MAJIN: variants seen among roughly 807,000 people sequenced by gnomAD.
The protein encoded by MAJIN is membrane-anchored junction protein.
In MAJIN, 27 loss-of-function variants were observed where a neutral mutation model predicts 30.2. That is an observed-to-expected ratio of 0.89 (90% CI 0.66 to 1.23). MAJIN has a LOEUF of 1.23. Ranked by LOEUF, MAJIN falls within the 50% of genes most tolerant of loss-of-function variation. MAJIN has a pLI of 0.00. For synonymous variants in MAJIN, 78 were observed against 91.6 expected (o/e 0.85, Z 0.85); for missense variants, 253 against 260.3 (o/e 0.97, Z 0.19).
At position 64,954,890 on chromosome 11, in the gene MAJIN, A is replaced by C. The variant is rs1375397543; in HGVS notation, c.102-88T>G. The C allele has an allele frequency of 3.5e-6, 4 of 1,140,694 alleles. No homozygotes were observed. The African/African-American group carries it at 6.2e-5, about 18-fold the overall frequency. 70.7% of individuals were successfully genotyped at this position (1,140,694 alleles called of 1,614,324 possible). On this transcript the variant is annotated intron_variant, in intron 3 of 10. Coordinates refer to ENST00000301896, the MANE Select transcript of MAJIN (RefSeq NM_001037225.3). ...CTACTAGGGCAAAAATAACACTTCCACTGAGCTAAAGAAACATGACATAAG... is the reference window on the plus strand; with the variant it reads ...CTACTAGGGCAAAAATAACACTTCCCCTGAGCTAAAGAAACATGACATAAG...
intron 3 of MAJIN, among the ~76,000 whole-genome samples, chr11:64,956,423 A>C (rs1486882462): frequency 1.3e-5 from 2 of 152,136 alleles, no homozygotes; most frequent in Non-Finnish European, 2.9e-5. Flanking sequence ...CGGGAGGTGG[A>C]GGTTGCAGTG....
chr11:64,940,905 C>G (rs1318219781), intron 8 of MAJIN, among the ~76,000 whole-genome samples: 1 of 137,518 alleles, frequency 7.3e-6, no homozygotes, highest in Non-Finnish European at 1.5e-5. Context: ...GTGGCGCCAT[C>G]TCAGCTCACT....
At chr11:64,939,587 C>T in intron 10 of MAJIN, 75 bp downstream of exon 10, 9 of 1,316,310 alleles carry the variant, frequency 6.8e-6, no homozygotes, top group Non-Finnish European at 8.6e-6. Context: ...CTTTTCTATT[C>T]TAATTTCCCT....
At chr11:64,943,273 A>T (rs1246834222) in intron 8 of MAJIN, among the ~76,000 whole-genome samples, 2 of 152,086 alleles carry the variant, frequency 1.3e-5, no homozygotes, top group Non-Finnish European at 2.9e-5. Context: ...GCTCCCTCCC[A>T]TTTTTTATCC....
chr11:64,947,858 CTTTTTTTT>C (rs35160886), intron 6 of MAJIN, 39 bp from the exon 7 acceptor site: 3 of 1,216,268 alleles, frequency 2.5e-6, no homozygotes, highest in South Asian at 1.4e-5. Context: ...AGATTTAAGA[CTTTTTTTT>C]TTTTTTTTTT....
At chr11:64,950,737 A>T (rs548688406) in intron 4 of MAJIN, among the ~76,000 whole-genome samples, 12 of 151,946 alleles carry the variant, frequency 7.9e-5, no homozygotes, top group African/African-American at 2.9e-4. Context: ...GTGCACCACC[A>T]CACCCATCTA....
intron 4 of MAJIN, among the ~76,000 whole-genome samples, chr11:64,953,547 C>T (rs1945586755): frequency 6.6e-6 from 1 of 152,182 alleles, no homozygotes. Context: ...AATCCCAACA[C>T]TTTGGGAGGC....
chr11:64,965,588 T>C (rs963148043), intron 1 of MAJIN, among the ~76,000 whole-genome samples: 7 of 152,146 alleles, frequency 4.6e-5, no homozygotes, highest in Non-Finnish European at 1.0e-4. Flanking sequence ...ATTCTGGAAA[T>C]GCAATAGCGT....
intron 1 of MAJIN, among the ~76,000 whole-genome samples, chr11:64,961,680 G>A (rs578009205): frequency 6.8e-6 from 1 of 147,496 alleles, no homozygotes; most frequent in East Asian, 2.0e-4. Flanking sequence ...GTTTCACCGT[G>A]TTAGCCAGGA....
At chr11:64,970,093 G>C (rs1221045556) in intron 1 of MAJIN, among the ~76,000 whole-genome samples, 1 of 152,094 alleles carries the variant, frequency 6.6e-6, no homozygotes, top group East Asian at 2.0e-4. Context: ...GCCAGGCGCA[G>C]TGACACTTGC....
At chr11:64,954,455 C>T (rs1945600899) in intron 4 of MAJIN, 2 of 469,326 alleles carry the variant, frequency 4.3e-6, no homozygotes, top group South Asian at 2.1e-5. Context: ...GGAGGCAGTC[C>T]TCCGGAATCT....
intron 3 of MAJIN, among the ~76,000 whole-genome samples, chr11:64,956,228 G>C (rs1468930154): frequency 6.6e-6 from 1 of 152,270 alleles, no homozygotes; most frequent in East Asian, 1.9e-4. Flanking sequence ...TGAACCGGGA[G>C]GCAGAGGTTT....
intron 2 of MAJIN, 96 bp from the exon 3 acceptor site, chr11:64,959,518 T>A: frequency 1.1e-6 from 1 of 914,362 alleles, no homozygotes; most frequent in Non-Finnish European, 1.7e-6. Context: ...TCTTCATGAG[T>A]AAAATGTCCA....
chr11:64,966,477 G>C (rs539646868), intron 1 of MAJIN, among the ~76,000 whole-genome samples: 1 of 152,254 alleles, frequency 6.6e-6, no homozygotes, highest in East Asian at 1.9e-4. Context: ...GGAGGTTGCA[G>C]TGAGCCAAGA....
intron 4 of MAJIN, among the ~76,000 whole-genome samples, chr11:64,950,781 C>A (rs113948260): frequency 0.046 from 6,952 of 152,094 alleles, 183 homozygotes; most frequent in Middle Eastern, 0.065. Flanking sequence ...GTGGTTTCAC[C>A]ATGTTGCCCA....
At chr11:64,950,989 T>C (rs1478462307) in intron 4 of MAJIN, among the ~76,000 whole-genome samples, 1 of 152,214 alleles carries the variant, frequency 6.6e-6, no homozygotes, top group Non-Finnish European at 1.5e-5. Context: ...TCAGGCATAG[T>C]TCAAAAGGCA....
At chr11:64,969,267 G>A (rs1945859879) in intron 1 of MAJIN, among the ~76,000 whole-genome samples, 1 of 152,126 alleles carries the variant, frequency 6.6e-6, no homozygotes, top group African/African-American at 2.4e-5. Context: ...AGTGTGTAAG[G>A]GACAGAAATC....
intron 1 of MAJIN, among the ~76,000 whole-genome samples, chr11:64,962,241 G>GA (rs1224879344): frequency 6.6e-6 from 1 of 152,236 alleles, no homozygotes. Context: ...TCTGAAAGAA[G>GA]AAAAAACAGC....
At chr11:64,951,838 C>T (rs1361356624) in intron 4 of MAJIN, among the ~76,000 whole-genome samples, 1 of 149,768 alleles carries the variant, frequency 6.7e-6, no homozygotes, top group Admixed American at 6.6e-5. Context: ...CAGTGTCTAG[C>T]TTATAATTAT....
Sources: gnomAD v4.1 joint callset for allele counts (sites outside exome capture counted in the v4.1 genomes callset) on GRCh38, gnomAD v4.1.1 for gene constraint, MANE v1.5 for transcripts, NCBI Gene and HGNC (gene_info 2026-07-23, HGNC 2026-07-21) for gene names.